Variants in STAG3 observed in about 807,000 individuals in gnomAD.
The protein encoded by STAG3 is STAG3 cohesin complex component, also known as cohesin subunit SA-3.
STAG3 carries 101 observed loss-of-function variants against 160.7 expected under a neutral mutation model. The ratio of observed to expected loss-of-function variants is 0.63; its 90% CI spans 0.54 to 0.74. The LOEUF is 0.74. STAG3 is among the 30% of genes least tolerant of loss of function. The pLI, the probability that STAG3 is intolerant of heterozygous loss-of-function variation, is 0.00. For missense variants in STAG3, 1,188 were observed against 1,517.4 expected (o/e 0.78, Z 3.61); for synonymous variants, 519 against 585.0 (o/e 0.89, Z 1.63).
chr7:100,205,812 A>C (rs1801597904), intron 29 of STAG3, among the ~76,000 whole-genome samples: 1 of 150,594 alleles, frequency 6.6e-6, no homozygotes, highest in Non-Finnish European at 1.5e-5. Context: ...CCTGGGTGAC[A>C]GAGCGAGACT....
At chr7:100,184,214 T>C (rs1799829511) in intron 4 of STAG3, among the ~76,000 whole-genome samples, 1 of 150,920 alleles carries the variant, frequency 6.6e-6, no homozygotes, top group African/African-American at 2.4e-5. Context: ...TGCAGTGAGC[T>C]GAGATTGTGC....
At chr7:100,205,630 G>A (rs1278456519) in intron 29 of STAG3, among the ~76,000 whole-genome samples, 1 of 152,054 alleles carries the variant, frequency 6.6e-6, no homozygotes. Flanking sequence ...AGGTGTTCGA[G>A]ACCAGCCTGG....
chr7:100,188,023 T>C (rs1470332165), intron 5 of STAG3, among the ~76,000 whole-genome samples: 3 of 152,204 alleles, frequency 2.0e-5, no homozygotes, highest in African/African-American at 7.2e-5. Context: ...CCCAAAGTGC[T>C]GGGATTACAG....
chr7:100,192,791 G>T (rs891351716), intron 8 of STAG3, among the ~76,000 whole-genome samples: 1 of 152,158 alleles, frequency 6.6e-6, no homozygotes, highest in African/African-American at 2.4e-5. Context: ...GGGTCTCACT[G>T]TGTTGCCCAG....
rs1801534403 is a variant in STAG3, at chr7:100,205,256, A to G, written c.3110A>G (p.His1037Arg). The G allele has an allele frequency of 6.2e-7, 1 of 1,613,994 alleles. No individual in the cohort carries two copies. Residue 1037 changes from histidine (H) to arginine (R), a missense_variant, in exon 29 of 34, where the codon CAT (histidine) becomes CGT (arginine). Transcript: ENST00000615138. ...LLSYLEKCLQ[H>R]VSQAPGHPWG... ...TCCTATCTAGAAAAGTGCCTGCAGCATGTCTCCCAGGCACCTGGCCATCCC... is the reference window on the plus strand; with the variant it reads ...TCCTATCTAGAAAAGTGCCTGCAGCGTGTCTCCCAGGCACCTGGCCATCCC...
At chr7:100,183,183 T>A (rs1445972250) in intron 4 of STAG3, among the ~76,000 whole-genome samples, 2 of 152,068 alleles carry the variant, frequency 1.3e-5, no homozygotes, top group East Asian at 3.9e-4. Flanking sequence ...CCAGCTACTT[T>A]TTGTATTTTT....
At chr7:100,186,053 T>G (rs1044706840) in intron 4 of STAG3, 147 bp from the exon 5 acceptor site, 3 of 722,878 alleles carry the variant, frequency 4.2e-6, no homozygotes, top group Non-Finnish European at 2.3e-6. Context: ...TATGAAATTT[T>G]ACCTTTCATT....
At position 100,180,987 on chromosome 7, in the gene STAG3, CCT is replaced by C. The variant is rs568096221; in HGVS notation, c.116+316_116+317del. On this transcript the variant is annotated intron_variant, in intron 2 of 33. Transcript: ENST00000615138. ...CTCCGCCTCCTGGGTTCAAGCACATCCTGTTTTTAATCCATCATCCATCTTGT... is the reference window on the plus strand; with the variant it reads ...CTCCGCCTCCTGGGTTCAAGCACATCGTTTTTAATCCATCATCCATCTTGT... 7.5e-4 allele frequency: 175 copies of C among 232,340 alleles called. 1 individual carries two copies. Among genetic ancestry groups the C allele is most frequent in the African/African-American group, 3.9e-3 (167 of 42,924 alleles). 14.4% of individuals were successfully genotyped at this position (232,340 alleles called of 1,614,324 possible). A position where few individuals can be genotyped will look rare whatever the true frequency, so the allele number is the denominator to read the frequency against.
At chr7:100,191,689 G>A (rs1424959368) in intron 8 of STAG3, among the ~76,000 whole-genome samples, 1 of 152,204 alleles carries the variant, frequency 6.6e-6, no homozygotes, top group Non-Finnish European at 1.5e-5. Flanking sequence ...TGACTGATCA[G>A]GGTAGTGGTT....
At chr7:100,209,456 A>G (rs1801970088) in intron 29 of STAG3, among the ~76,000 whole-genome samples, 1 of 152,226 alleles carries the variant, frequency 6.6e-6, no homozygotes, top group Non-Finnish European at 1.5e-5. Context: ...CATGAGACCA[A>G]AGAGGGTACA....
chr7:100,198,022 T>C (rs1444798666), intron 11 of STAG3, 65 bp from the exon 12 acceptor site: 31 of 1,580,900 alleles, frequency 2.0e-5, no homozygotes, highest in South Asian at 3.3e-5. Flanking sequence ...AGTCTCTGAT[T>C]CTAAGAGAAC....
At chr7:100,196,131 A>G (rs535569174) in intron 9 of STAG3, among the ~76,000 whole-genome samples, 1 of 151,396 alleles carries the variant, frequency 6.6e-6, no homozygotes, top group East Asian at 1.9e-4. Context: ...CTCCATCTCA[A>G]AAAAAGAAAA....
rs1287766188 is a variant in STAG3 at position 100,201,783 on chromosome 7, C to T, written c.2221-3C>T. ...TCATTTTTCAAACCCTTTGTTGTTA[C>T]AGGTTATCCTGCCAGCCTTGACTCT... On this transcript the variant is annotated splice_region_variant and splice_polypyrimidine_tract_variant and intron_variant, in intron 21 of 33. Transcript: ENST00000615138. 4 of 1,614,140 alleles carry T rather than the reference C, an allele frequency of 2.5e-6. No homozygotes were observed. Among genetic ancestry groups the T allele is most frequent in the Non-Finnish European group, 2.5e-6 (3 of 1,179,966 alleles).
At position 100,181,986 on chromosome 7, in the gene STAG3, A is replaced by G. The variant is rs961781366; in HGVS notation, c.117-104A>G. ...CTTAAAATCTGGATATGTTTTTCTC[A>G]TGGAGATGGGGTGCGGTGAGAGACA... On this transcript the variant is annotated intron_variant, in intron 2 of 33. Transcript: ENST00000615138. The G allele has an allele frequency of 1.3e-5, 9 of 680,266 alleles. No individual in the cohort carries two copies. In the African/African-American group the frequency reaches 1.6e-4, roughly 12 times the overall value. 42.1% of individuals were successfully genotyped at this position (680,266 alleles called of 1,614,324 possible). A position where few individuals can be genotyped will look rare whatever the true frequency, so the allele number is the denominator to read the frequency against.
downstream of STAG3, among the ~76,000 whole-genome samples, chr7:100,216,089 T>C (rs1802727169): frequency 6.6e-6 from 1 of 152,120 alleles, no homozygotes; most frequent in South Asian, 2.1e-4. Flanking sequence ...ACCTTCCCTG[T>C]TTTTCAGTTT....
At chr7:100,182,505 G>A (rs1215620844) in intron 3 of STAG3, among the ~76,000 whole-genome samples, 1 of 152,006 alleles carries the variant, frequency 6.6e-6, no homozygotes, top group African/African-American at 2.4e-5. Flanking sequence ...AGGATGTAGA[G>A]ATACAGGAAG....
chr7:100,205,002 A>C lies in STAG3; in HGVS notation c.2952-3A>C. ...CTTCCTAAAATAATTCTGCCCAACC[A>C]AGGGAAGGCATCCAGTTCTCCTTGT... On this transcript the variant is annotated splice_polypyrimidine_tract_variant and splice_region_variant and intron_variant, in intron 27 of 33. Coordinates refer to ENST00000615138, the MANE Select transcript of STAG3 (RefSeq NM_001282717.2). The C allele has an allele frequency of 6.2e-7, 1 of 1,613,220 alleles. No homozygotes were observed. Among genetic ancestry groups the C allele is most frequent in the Non-Finnish European group, 8.5e-7 (1 of 1,179,574 alleles).
At chr7:100,187,946 C>T (rs1442145721) in intron 5 of STAG3, among the ~76,000 whole-genome samples, 11 of 152,094 alleles carry the variant, frequency 7.2e-5, no homozygotes, top group Admixed American at 5.2e-4. Flanking sequence ...TTAGTAGAGA[C>T]GGGGTTTCAC....
downstream of STAG3, among the ~76,000 whole-genome samples, chr7:100,217,278 C>T (rs1584824610): frequency 2.6e-5 from 4 of 152,212 alleles, no homozygotes; most frequent in South Asian, 8.3e-4. Context: ...TGCCAGCAAG[C>T]CCCCTGCTGG....
Sources: gnomAD v4.1 joint callset for allele counts (sites outside exome capture counted in the v4.1 genomes callset) on GRCh38, gnomAD v4.1.1 for gene constraint, MANE v1.5 for transcripts, NCBI Gene and HGNC (gene_info 2026-07-23, HGNC 2026-07-21) for gene names.